SYT16: variants seen among roughly 807,000 people sequenced by gnomAD.
SYT16 encodes synaptotagmin-16.
Under a neutral mutation model 61.4 loss-of-function variants are expected in SYT16, and 42 were observed. That is an observed-to-expected ratio of 0.68 (90% CI 0.53 to 0.89). SYT16 has a LOEUF of 0.89. Among genes scored for constraint, SYT16 ranks in the 40% least tolerant of loss-of-function variants. The pLI is 0.00. For synonymous variants in SYT16, 314 were observed against 302.3 expected (o/e 1.04, Z -0.40); for missense variants, 804 against 807.3 (o/e 1.00, Z 0.05).
chr14:62,067,039 A>C (rs1197145489), intron 3 of SYT16, among the ~76,000 whole-genome samples: 2 of 152,108 alleles, frequency 1.3e-5, no homozygotes, highest in Non-Finnish European at 2.9e-5. Context: ...GATGAGTTAG[A>C]TTCCTGACTA....
intron 3 of SYT16, among the ~76,000 whole-genome samples, chr14:62,031,418 T>G (rs897816165): frequency 8.5e-5 from 13 of 152,136 alleles, no homozygotes; most frequent in African/African-American, 2.7e-4. Context: ...TGGAAGAAAA[T>G]AGTTCAACTT....
chr14:61,865,197 A>G lies in SYT16; in HGVS notation c.-325+52387A>G, dbSNP rs371284051. On this transcript the variant is annotated intron_variant, in intron 1 of 7. Transcript: ENST00000683842. The stretch of plus-strand genomic sequence containing the variant: ...GAGGATCGTGTTTCTGTCACTGACT[A>G]TAAGCGACTTCTGGATTCTGGGGCA... 1.1e-5 allele frequency: 12 copies of G among 1,132,802 alleles called. 1 individual carries two copies. The highest frequency in any genetic ancestry group is 2.0e-4 in the Middle Eastern group (1 of 5,052). The allele number at this position is 1,132,802 out of a possible 1,614,324, so 70.2% of individuals were successfully genotyped here.
chr14:61,931,371 T>C (rs1178036648), intron 1 of SYT16, among the ~76,000 whole-genome samples: 1 of 152,238 alleles, frequency 6.6e-6, no homozygotes, highest in African/African-American at 2.4e-5. Flanking sequence ...TTTCTTTTTT[T>C]TAAAAATATT....
chr14:62,099,767 A>G (rs761017977), intron 7 of SYT16, among the ~76,000 whole-genome samples: 3 of 152,110 alleles, frequency 2.0e-5, no homozygotes, highest in Non-Finnish European at 4.4e-5. Context: ...GGTTCCAGCT[A>G]CTCAGGAGGC....
chr14:62,072,956 C>CT (rs1250001655), intron 4 of SYT16, among the ~76,000 whole-genome samples: 4 of 152,260 alleles, frequency 2.6e-5, no homozygotes, highest in Admixed American at 2.6e-4. Flanking sequence ...ATACGTTTCT[C>CT]TGACAACAGG....
intron 1 of SYT16, among the ~76,000 whole-genome samples, chr14:61,956,389 AG>A (rs755397275): frequency 1.3e-4 from 19 of 151,940 alleles, no homozygotes; most frequent in South Asian, 8.3e-4. Context: ...TTCAGTGTTT[AG>A]CAGCTTTTAA....
intron 3 of SYT16, among the ~76,000 whole-genome samples, chr14:62,004,318 T>G (rs1225412030): frequency 6.6e-6 from 1 of 152,058 alleles, no homozygotes; most frequent in African/African-American, 2.4e-5. Flanking sequence ...TCAGATCTCA[T>G]GAGTACTCCC....
At chr14:61,858,423 AATACATC>A (rs2046852362) in intron 1 of SYT16, among the ~76,000 whole-genome samples, 1 of 152,202 alleles carries the variant, frequency 6.6e-6, no homozygotes, top group South Asian at 2.1e-4. Flanking sequence ...TCTTCCCACC[AATACATC>A]AACTCTTAAG....
At chr14:61,866,160 A>G (rs1190661614) in intron 1 of SYT16, among the ~76,000 whole-genome samples, 2 of 152,152 alleles carry the variant, frequency 1.3e-5, no homozygotes, top group African/African-American at 4.8e-5. Flanking sequence ...TGAAAAAAAA[A>G]ACTATTATGA....
At chr14:61,997,038 A>G (rs1279297849) in intron 3 of SYT16, among the ~76,000 whole-genome samples, 1 of 152,120 alleles carries the variant, frequency 6.6e-6, no homozygotes, top group Non-Finnish European at 1.5e-5. Flanking sequence ...CTCTGAAATA[A>G]GAATAGCTTG....
intron 3 of SYT16, among the ~76,000 whole-genome samples, chr14:61,998,099 A>G (rs1025292669): frequency 6.6e-6 from 1 of 152,158 alleles, no homozygotes; most frequent in Admixed American, 6.6e-5. Context: ...TGATGGTGAG[A>G]GAGTTTGAGA....
intron 1 of SYT16, among the ~76,000 whole-genome samples, chr14:61,886,706 G>C (rs2047911949): frequency 6.6e-6 from 1 of 152,118 alleles, no homozygotes; most frequent in African/African-American, 2.4e-5. Flanking sequence ...ATTCATAAGG[G>C]TTGAAATCAA....
At chr14:62,058,036 C>T (rs902269919) in intron 3 of SYT16, among the ~76,000 whole-genome samples, 4 of 152,122 alleles carry the variant, frequency 2.6e-5, no homozygotes, top group Non-Finnish European at 5.9e-5. Context: ...ATATAATGCA[C>T]ATTCTTTTTA....
At chr14:61,840,577 T>C (rs1385254621) in intron 1 of SYT16, among the ~76,000 whole-genome samples, 1 of 152,228 alleles carries the variant, frequency 6.6e-6, no homozygotes, top group East Asian at 1.9e-4. Flanking sequence ...CTTTTCTTTC[T>C]TTCCTATTTC....
chr14:61,942,474 A>G (rs553077213), intron 1 of SYT16, among the ~76,000 whole-genome samples: 9 of 152,322 alleles, frequency 5.9e-5, no homozygotes, highest in Admixed American at 2.0e-4. Context: ...GTGACACTCC[A>G]CTAGGTTTAA....
chr14:61,954,810 G>T (rs2050807226), intron 1 of SYT16, among the ~76,000 whole-genome samples: 1 of 152,048 alleles, frequency 6.6e-6, no homozygotes, highest in African/African-American at 2.4e-5. Context: ...GTAGCACTGT[G>T]CTGACTACAA....
rs528245071 is a variant in SYT16, at chr14:61,973,968, G to A, written c.-145+3657G>A. On this transcript the variant is annotated intron_variant, in intron 2 of 7. Coordinates refer to ENST00000683842, the MANE Select transcript of SYT16 (RefSeq NM_001367656.1). Reference sequence around the variant, plus strand: ...TGATAAGAAGGTTGGAATTCAACACGCCCGAAGAAGAGTCAGAAAGGAGAG... The same window carrying A: ...TGATAAGAAGGTTGGAATTCAACACACCCGAAGAAGAGTCAGAAAGGAGAG... Among the ~76,000 whole-genome samples, 7 of 152,262 alleles carry A rather than the reference G, an allele frequency of 4.6e-5. No individual in the cohort carries two copies. The East Asian group carries it at 1.2e-3, about 25-fold the overall frequency.
chr14:62,059,664 T>C (rs2055728849), intron 3 of SYT16, among the ~76,000 whole-genome samples: 1 of 127,430 alleles, frequency 7.8e-6, no homozygotes, highest in South Asian at 2.3e-4. Flanking sequence ...ATATATGTAA[T>C]TGATACATAT....
chr14:62,011,926 C>CACATATATATATATATATATATATATAT (rs1555370087), intron 3 of SYT16, among the ~76,000 whole-genome samples: 12 of 132,820 alleles, frequency 9.0e-5, no homozygotes, highest in African/African-American at 2.7e-4. Flanking sequence ...CACACACACA[C>CACATATATATATATATATATATATATAT]ATATATATAT....
Sources: allele counts gnomAD v4.1 joint callset (sites outside exome capture counted in the v4.1 genomes callset), GRCh38; gene constraint gnomAD v4.1.1; transcripts MANE v1.5; gene names NCBI Gene and HGNC (gene_info 2026-07-23, HGNC 2026-07-21).